ESRRG: variants seen among roughly 807,000 people sequenced by gnomAD.
ESRRG encodes the protein estrogen-related receptor gamma.
In ESRRG, 13 loss-of-function variants were observed where a neutral mutation model predicts 44.0. That is an observed-to-expected ratio of 0.30 (90% CI 0.19 to 0.47). The LOEUF is 0.47. Among genes scored for constraint, ESRRG ranks in the 20% least tolerant of loss-of-function variants. The probability of loss-of-function intolerance (pLI) is 1.00; values close to 1 mark genes in which losing one functional copy is unlikely to be tolerated. For missense variants in ESRRG, 395 were observed against 580.6 expected (o/e 0.68, Z 3.29); for synonymous variants, 215 against 214.6 (o/e 1.00, Z -0.02).
At chr1:216,988,310 G>C (rs1425687720) in intron 1 of ESRRG, among the ~76,000 whole-genome samples, 1 of 152,184 alleles carries the variant, frequency 6.6e-6, no homozygotes, top group Non-Finnish European at 1.5e-5. Context: ...TTACCATCAG[G>C]ATTTAGGTAT....
chr1:216,601,380 C>T (rs1558746562), intron 3 of ESRRG, among the ~76,000 whole-genome samples: 1 of 152,170 alleles, frequency 6.6e-6, no homozygotes, highest in Non-Finnish European at 1.5e-5. Flanking sequence ...CCAAAGCCCG[C>T]TCCAACGCCG....
At chr1:216,867,372 T>C (rs1396643940) in intron 2 of ESRRG, among the ~76,000 whole-genome samples, 3 of 152,318 alleles carry the variant, frequency 2.0e-5, no homozygotes, top group African/African-American at 7.2e-5. Flanking sequence ...TCAACCCAAA[T>C]GTCATTATCT....
chr1:217,083,235 A>G lies in ESRRG; in HGVS notation c.-106+6272T>C, dbSNP rs189635130. On this transcript the variant is annotated intron_variant, in intron 1 of 7. Coordinates refer to the ESRRG transcript ENST00000359162. ...AAAAAACAAAGTGTTTTAAATATCT[A>G]CTAATTGGTTTACAATGGAAAAATT... Among the ~76,000 whole-genome samples, 63 of 152,366 alleles carry G rather than the reference A, an allele frequency of 4.1e-4. 1 individual carries two copies. In the East Asian group the frequency reaches 0.011, roughly 27 times the overall value.
intron 3 of ESRRG, among the ~76,000 whole-genome samples, chr1:216,576,086 G>C (rs966489178): frequency 2.6e-5 from 4 of 152,018 alleles, no homozygotes; most frequent in Non-Finnish European, 5.9e-5. Flanking sequence ...ATTAGACAAG[G>C]TGTGTATTTC....
intron 1 of ESRRG, among the ~76,000 whole-genome samples, chr1:217,082,856 T>A (rs552907271): frequency 1.6e-4 from 25 of 152,192 alleles, no homozygotes; most frequent in African/African-American, 2.7e-4. Context: ...GTACTGCTAA[T>A]ATTTCAGTAT....
intron 2 of ESRRG, among the ~76,000 whole-genome samples, chr1:216,768,273 A>T (rs1026800433): frequency 9.9e-5 from 15 of 152,160 alleles, no homozygotes; most frequent in Non-Finnish European, 1.6e-4. Flanking sequence ...ACCATTGAGA[A>T]AGGGTTGATG....
chr1:216,556,931 A>T (rs1372459007), intron 5 of ESRRG, among the ~76,000 whole-genome samples: 1 of 152,194 alleles, frequency 6.6e-6, no homozygotes, highest in Admixed American at 6.5e-5. Context: ...GGAAACTAAG[A>T]AGAAACTGTT....
At chr1:216,663,018 T>C (rs2072929481) in intron 2 of ESRRG, among the ~76,000 whole-genome samples, 1 of 152,204 alleles carries the variant, frequency 6.6e-6, no homozygotes, top group South Asian at 2.1e-4. Flanking sequence ...TGCTCACGAC[T>C]CTGTAAGGTA....
chr1:216,860,451 T>C (rs2096031155), intron 2 of ESRRG, among the ~76,000 whole-genome samples: 2 of 152,060 alleles, frequency 1.3e-5, no homozygotes, highest in Non-Finnish European at 2.9e-5. Flanking sequence ...CCAGGGCATA[T>C]CATAACCTAG....
At chr1:217,106,255 A>G (rs546399773) in intron 1 of ESRRG, among the ~76,000 whole-genome samples, 1 of 152,322 alleles carries the variant, frequency 6.6e-6, no homozygotes, top group Non-Finnish European at 1.5e-5. Flanking sequence ...AATCCAGAGA[A>G]AAGAGCGGCA....
chr1:216,709,829 G>C (rs981776147), intron 1 of ESRRG, among the ~76,000 whole-genome samples: 1 of 151,984 alleles, frequency 6.6e-6, no homozygotes, highest in East Asian at 1.9e-4. Context: ...TAGAATAAAC[G>C]AAACAATAAT....
Position 216,564,380 on chromosome 1 carries a change from T to C in ESRRG, c.701A>G (p.Tyr234Cys). 2 of 1,608,034 alleles carry C rather than the reference T, an allele frequency of 1.2e-6. No homozygotes were observed. Among genetic ancestry groups the C allele is most frequent in the Admixed American group, 1.7e-5 (1 of 59,198 alleles). Residue 234 changes from tyrosine to cysteine, a missense_variant and splice_region_variant, in exon 5 of 7, where the codon TAT becomes TGT. Transcript: ENST00000408911. ...PQLVQPAKKP[Y>C]NKIVSHLLVA... ...CAACAAATGTGAGACAATCTTGTTA[T>C]CTGCAGGATCAGACCAGAGCACTAC...
intron 1 of ESRRG, among the ~76,000 whole-genome samples, chr1:217,086,114 C>T (rs559262927): frequency 7.2e-5 from 11 of 152,224 alleles, no homozygotes; most frequent in Admixed American, 2.0e-4. Context: ...TACTTCAAAA[C>T]GACAGACTCT....
At chr1:216,913,037 C>T (rs150442961) in intron 2 of ESRRG, among the ~76,000 whole-genome samples, 3 of 145,584 alleles carry the variant, frequency 2.1e-5, no homozygotes, top group East Asian at 4.2e-4. Context: ...ACAGGAAAAT[C>T]ACTTGAACCC....
chr1:216,857,228 G>C (rs1327113369), intron 2 of ESRRG, among the ~76,000 whole-genome samples: 1 of 151,814 alleles, frequency 6.6e-6, no homozygotes. Context: ...TTAAACCCTG[G>C]AACATCAAAC....
chr1:216,650,966 G>T lies in ESRRG; in HGVS notation c.589+7C>A. The T allele has an allele frequency of 6.4e-7, 1 of 1,572,872 alleles. No individual in the cohort carries two copies. The highest frequency in any genetic ancestry group is 1.1e-5 in the South Asian group (1 of 90,288). On this transcript the variant is annotated splice_region_variant and intron_variant, in intron 3 of 6. Transcript: ENST00000408911. ...AAAACCTCAGGGGCACTAGCAAAGAGCCTTACCTTCTTTCAGCATGCCCAC... is the reference window on the plus strand; with the variant it reads ...AAAACCTCAGGGGCACTAGCAAAGATCCTTACCTTCTTTCAGCATGCCCAC...
chr1:216,587,994 T>C (rs568533518), intron 3 of ESRRG, among the ~76,000 whole-genome samples: 11 of 152,336 alleles, frequency 7.2e-5, no homozygotes, highest in African/African-American at 2.6e-4. Context: ...GATCCTATTT[T>C]AGCAGCAACA....
chr1:216,849,648 G>C (rs1273068335), intron 2 of ESRRG, among the ~76,000 whole-genome samples: 2 of 151,992 alleles, frequency 1.3e-5, no homozygotes, highest in African/African-American at 4.8e-5. Context: ...CAATCTGCTT[G>C]AAAAACTTTC....
chr1:217,092,071 C>G (rs1370231403), upstream of ESRRG, among the ~76,000 whole-genome samples: 2 of 152,156 alleles, frequency 1.3e-5, no homozygotes, highest in Non-Finnish European at 2.9e-5. Context: ...GATGTTTGAG[C>G]AACTAGCAAA....
Sources: allele counts gnomAD v4.1 joint callset (sites outside exome capture counted in the v4.1 genomes callset), GRCh38; gene constraint gnomAD v4.1.1; transcripts MANE v1.5; gene names NCBI Gene and HGNC (gene_info 2026-07-23, HGNC 2026-07-21).